Variants in SYNE2 observed in about 807,000 individuals in gnomAD.
The protein encoded by SYNE2 is spectrin repeat containing nuclear envelope protein 2, also known as nesprin-2.
Under a neutral mutation model 856.3 loss-of-function variants are expected in SYNE2, and 431 were observed. The ratio of observed to expected loss-of-function variants is 0.50; its 90% CI spans 0.47 to 0.55. The LOEUF (loss-of-function observed/expected upper bound fraction) is 0.55, where lower values mean the gene tolerates loss of function less well. Ranked by LOEUF, SYNE2 falls within the 20% of genes least tolerant of loss-of-function variation. The pLI, the probability that SYNE2 is intolerant of heterozygous loss-of-function variation, is 0.00. For missense variants in SYNE2, 8,129 were observed against 8,023.2 expected (o/e 1.01, Z -0.50); for synonymous variants, 2,923 against 2,872.3 (o/e 1.02, Z -0.56).
At chr14:64,192,380 A>G (rs142023567) in intron 99 of SYNE2, among the ~76,000 whole-genome samples, 159 of 152,252 alleles carry the variant, frequency 1.0e-3, no homozygotes, top group African/African-American at 3.6e-3. Context: ...ATGTTTCCTG[A>G]AGGTTAGAAT....
chr14:63,838,350 A>C (rs111555444), intron 1 of SYNE2, among the ~76,000 whole-genome samples: 1 of 152,138 alleles, frequency 6.6e-6, no homozygotes, highest in African/African-American at 2.4e-5. Context: ...AAACAAAACA[A>C]AACAAAAAAA....
chr14:63,763,149 G>A (rs1372517149), intron 1 of SYNE2, among the ~76,000 whole-genome samples: 2 of 151,942 alleles, frequency 1.3e-5, no homozygotes, highest in Non-Finnish European at 2.9e-5. Context: ...TGCATTTTTA[G>A]TAGAGACAGG....
chr14:64,032,888 C>G (rs777993643), intron 45 of SYNE2, among the ~76,000 whole-genome samples: 1 of 152,180 alleles, frequency 6.6e-6, no homozygotes, highest in African/African-American at 2.4e-5. Flanking sequence ...AATAGATAAT[C>G]AAGACTTAGT....
intron 12 of SYNE2, among the ~76,000 whole-genome samples, chr14:63,977,272 G>A (rs1330420591): frequency 6.6e-6 from 1 of 152,004 alleles, no homozygotes; most frequent in East Asian, 1.9e-4. Flanking sequence ...GAGTGCAGTG[G>A]CGCGATCTTG....
chr14:63,931,325 GTGGATC>G (rs1156321870), intron 2 of SYNE2, among the ~76,000 whole-genome samples: 3 of 152,122 alleles, frequency 2.0e-5, no homozygotes, highest in African/African-American at 7.2e-5. Flanking sequence ...ACCGAGGCAG[GTGGATC>G]ATGAGGTCAG....
intron 1 of SYNE2, among the ~76,000 whole-genome samples, chr14:63,897,028 GATCACCTGTC>G (rs763759610): frequency 2.6e-4 from 40 of 152,168 alleles, no homozygotes; most frequent in Non-Finnish European, 5.1e-4. Context: ...AAGGCAGGCA[GATCACCTGTC>G]ATCAGGAGTT....
rs150000541 is a variant in SYNE2 at position 63,900,284 on chromosome 14, G to T, written c.-51-8814G>T. On this transcript the variant is annotated intron_variant, in intron 1 of 115. Coordinates refer to ENST00000555002, the MANE Select transcript of SYNE2 (RefSeq NM_182914.3). ...AATGCATAGATAGGTGTATTAGTTT[G>T]TTTTCACGCTGCTGATAAAGACATA... is the stretch of plus-strand genomic sequence containing the variant. 8.7e-4 allele frequency among the ~76,000 whole-genome samples: 132 copies of T among 152,282 alleles called. 1 individual carries two copies. Among genetic ancestry groups the T allele is most frequent in the Middle Eastern group, 3.4e-3 (1 of 294 alleles).
intron 1 of SYNE2, among the ~76,000 whole-genome samples, chr14:63,888,276 A>G (rs1427037883): frequency 2.0e-5 from 3 of 152,178 alleles, no homozygotes; most frequent in Non-Finnish European, 4.4e-5. Flanking sequence ...AAGACTGTTC[A>G]GCTTCCCAGA....
chr14:63,816,132 A>T (rs1348086728), intron 1 of SYNE2, among the ~76,000 whole-genome samples: 3 of 151,936 alleles, frequency 2.0e-5, no homozygotes, highest in Non-Finnish European at 4.4e-5. Flanking sequence ...TATTTTTAGT[A>T]GATACGGGGT....
At chr14:64,099,183 G>A in intron 63 of SYNE2, 1 of 291,196 alleles carries the variant, frequency 3.4e-6, no homozygotes, top group South Asian at 3.6e-5. Context: ...TTACTCTTTT[G>A]CTCTAAAACA....
At chr14:64,112,706 C>T (rs998820252) in intron 65 of SYNE2, among the ~76,000 whole-genome samples, 1 of 152,144 alleles carries the variant, frequency 6.6e-6, no homozygotes, top group African/African-American at 2.4e-5. Flanking sequence ...TTAGGGATTC[C>T]TTCTGAGGAA....
intron 94 of SYNE2, among the ~76,000 whole-genome samples, chr14:64,171,690 G>C (rs1035828207): frequency 6.6e-6 from 1 of 152,194 alleles, no homozygotes; most frequent in African/African-American, 2.4e-5. Flanking sequence ...TGTGACTGGC[G>C]CAGAGCTGGC....
chr14:64,215,625 AT>A, intron 107 of SYNE2: 2 of 533,156 alleles, frequency 3.8e-6, no homozygotes, highest in Non-Finnish European at 3.3e-6. Flanking sequence ...TGTTTTGATG[AT>A]TTTTTTCTCC....
intron 45 of SYNE2, chr14:64,034,563 G>T: frequency 1.9e-6 from 1 of 529,430 alleles, no homozygotes; most frequent in Non-Finnish European, 3.5e-6. Context: ...TGAATCCATT[G>T]TCAAGAATTT....
chr14:63,799,395 CTTTT>C (rs79092707), intron 1 of SYNE2, among the ~76,000 whole-genome samples: 7 of 128,432 alleles, frequency 5.5e-5, no homozygotes, highest in East Asian at 2.4e-4. Context: ...TGTTTTAAAA[CTTTT>C]TTTTTTTTTT....
At chr14:63,991,778 T>C (rs1250543460) in intron 21 of SYNE2, among the ~76,000 whole-genome samples, 1 of 152,188 alleles carries the variant, frequency 6.6e-6, no homozygotes, top group Non-Finnish European at 1.5e-5. Context: ...TAATACTTTT[T>C]TTCATTCATA....
chr14:64,116,947 T>C (rs1331744104), intron 66 of SYNE2, among the ~76,000 whole-genome samples: 5 of 152,202 alleles, frequency 3.3e-5, no homozygotes, highest in Non-Finnish European at 5.9e-5. Context: ...CATAAAATTA[T>C]GCTACATTTT....
chr14:64,071,684 A>G (rs951980279), intron 52 of SYNE2, among the ~76,000 whole-genome samples: 8 of 152,142 alleles, frequency 5.3e-5, no homozygotes, highest in African/African-American at 1.9e-4. Context: ...CCAGCAAATC[A>G]TGTTTGTCTT....
intron 45 of SYNE2, among the ~76,000 whole-genome samples, chr14:64,046,065 A>G (rs1400470845): frequency 2.6e-5 from 4 of 152,196 alleles, no homozygotes; most frequent in African/African-American, 9.6e-5. Context: ...CAATTAAATG[A>G]TTTTTCATAT....
Sources: allele counts gnomAD v4.1 joint callset (sites outside exome capture counted in the v4.1 genomes callset), GRCh38; gene constraint gnomAD v4.1.1; transcripts MANE v1.5; gene names NCBI Gene and HGNC (gene_info 2026-07-23, HGNC 2026-07-21).